Variants in CPED1 observed in about 807,000 individuals in gnomAD.
The protein encoded by CPED1 is cadherin-like and PC-esterase domain-containing protein 1.
Under a neutral mutation model 128.2 loss-of-function variants are expected in CPED1, and 114 were observed. That is an observed-to-expected ratio of 0.89 (90% confidence interval 0.76 to 1.04). CPED1 has a LOEUF of 1.04. Ranked by LOEUF, CPED1 falls within the 50% of genes least tolerant of loss-of-function variation. The pLI, the probability that CPED1 is intolerant of heterozygous loss-of-function variation, is 0.00. For synonymous variants in CPED1, 462 were observed against 426.7 expected (o/e 1.08, Z -1.02); for missense variants, 1,211 against 1,207.1 (o/e 1.00, Z -0.05).
At position 121,251,236 on chromosome 7, in the gene CPED1, G is replaced by T. The variant is rs1798665036; in HGVS notation, c.2310+6898G>T. Among the ~76,000 whole-genome samples, 3 of 152,270 alleles carry T rather than the reference G, an allele frequency of 2.0e-5. No individual in the cohort carries two copies. The South Asian group carries it at 6.2e-4, about 32-fold the overall frequency. On this transcript the variant is annotated intron_variant, in intron 18 of 22. Transcript: ENST00000310396. ...AAACCACATGATTATCTCAATAGAT[G>T]CAGAAAAGGCCTTTGACAAAATTCA...
chr7:121,136,119 C>T (rs1026959356), intron 14 of CPED1, 29 bp downstream of exon 14: 1 of 1,528,988 alleles, frequency 6.5e-7, no homozygotes, highest in South Asian at 1.3e-5. Context: ...GTTGTAGCAG[C>T]ATAATAAACA....
Position 121,095,897 on chromosome 7 carries a change from C to T in CPED1, c.617-1802C>T, listed in dbSNP as rs1034870557. Among the ~76,000 whole-genome samples the T allele has an allele frequency of 2.0e-5, 3 of 152,030 alleles. No homozygotes were observed. In the East Asian group the frequency reaches 5.8e-4, roughly 29 times the overall value. On this transcript the variant is annotated intron_variant, in intron 5 of 22. Transcript: ENST00000310396. ...TTTGGCAGCAAGGTAAGAGGGAAAT[C>T]AGAGTAAATTATACTTTTCTCATAC... is the stretch of plus-strand genomic sequence containing the variant.
intron 16 of CPED1, among the ~76,000 whole-genome samples, chr7:121,220,173 T>C (rs1437324307): frequency 1.3e-5 from 2 of 152,078 alleles, no homozygotes; most frequent in Non-Finnish European, 2.9e-5. Flanking sequence ...TTGAAGAAGC[T>C]TAATTTGTTG....
intron 2 of CPED1, among the ~76,000 whole-genome samples, chr7:120,994,625 CTGTGTGTGTGTG>C (rs35288728): frequency 6.9e-6 from 1 of 144,570 alleles, no homozygotes; most frequent in South Asian, 2.3e-4. Context: ...ATTTGTTATA[CTGTGTGTGTGTG>C]TGTGTGTGTG....
intron 22 of CPED1, among the ~76,000 whole-genome samples, chr7:121,286,023 A>T (rs991992741): frequency 1.3e-5 from 2 of 152,216 alleles, no homozygotes; most frequent in African/African-American, 4.8e-5. Flanking sequence ...ATTGACTCAC[A>T]GTTCAGCATG....
intron 18 of CPED1, among the ~76,000 whole-genome samples, chr7:121,244,760 G>A (rs1275463199): frequency 6.6e-6 from 1 of 152,200 alleles, no homozygotes; most frequent in Non-Finnish European, 1.5e-5. Context: ...CTGCATGTGA[G>A]ACTCACTTCT....
intron 3 of CPED1, among the ~76,000 whole-genome samples, chr7:121,018,106 A>T (rs1792348197): frequency 6.6e-6 from 1 of 152,122 alleles, no homozygotes. Context: ...TGTAGTTTTT[A>T]CTATGAGAAC....
intron 16 of CPED1, among the ~76,000 whole-genome samples, chr7:121,160,403 A>C (rs1796386667): frequency 6.6e-6 from 1 of 152,172 alleles, no homozygotes. Context: ...GAGCGAGAAG[A>C]GGTGAACTTT....
chr7:121,043,330 C>T (rs554239436), intron 3 of CPED1, among the ~76,000 whole-genome samples: 193 of 152,118 alleles, frequency 1.3e-3, no homozygotes, highest in Non-Finnish European at 2.6e-3. Flanking sequence ...GGCTAAGTTG[C>T]AGCCCTTGCC....
At chr7:121,282,244 C>A (rs1792477853) in intron 22 of CPED1, among the ~76,000 whole-genome samples, 1 of 152,132 alleles carries the variant, frequency 6.6e-6, no homozygotes, top group African/African-American at 2.4e-5. Flanking sequence ...GTGTCAAGGC[C>A]TAAATCTTTC....
At chr7:121,068,465 T>C (rs1485185807) in intron 5 of CPED1, among the ~76,000 whole-genome samples, 6 of 151,968 alleles carry the variant, frequency 3.9e-5, no homozygotes, top group African/African-American at 1.5e-4. Flanking sequence ...TTCTGTTCCA[T>C]TGGTCTATAT....
At chr7:121,208,999 A>C (rs1399102313) in intron 16 of CPED1, among the ~76,000 whole-genome samples, 3 of 152,058 alleles carry the variant, frequency 2.0e-5, no homozygotes, top group Non-Finnish European at 4.4e-5. Flanking sequence ...GAAAAAGGAA[A>C]GCTTGCAGCT....
intron 16 of CPED1, among the ~76,000 whole-genome samples, chr7:121,176,561 A>T (rs1255547933): frequency 6.6e-6 from 1 of 152,022 alleles, no homozygotes; most frequent in Non-Finnish European, 1.5e-5. Flanking sequence ...GGATGAAAGG[A>T]TTGATTTATT....
chr7:121,024,127 T>C (rs1186824845), intron 3 of CPED1, among the ~76,000 whole-genome samples: 1 of 152,150 alleles, frequency 6.6e-6, no homozygotes, highest in Non-Finnish European at 1.5e-5. Context: ...TCAGTGCTTA[T>C]AGATTTACTG....
rs1354181117 is a variant in CPED1 at position 121,236,880 on chromosome 7, A to G, written c.2173+49A>G. ...TTCTCTAAAAAAAGAATAATTTGGT[A>G]TAGATAAGTGTATGCTTATTTAAAC... On this transcript the variant is annotated intron_variant, in intron 17 of 22. Transcript: ENST00000310396. 4 of 1,037,432 alleles carry G rather than the reference A, an allele frequency of 3.9e-6. No homozygotes were observed. The South Asian group carries it at 4.5e-5, about 12-fold the overall frequency. 64.3% of individuals were successfully genotyped at this position (1,037,432 alleles called of 1,614,324 possible). A position where few individuals can be genotyped will look rare whatever the true frequency, so the allele number is the denominator to read the frequency against.
At chr7:121,229,723 A>G (rs1192861113) in intron 16 of CPED1, among the ~76,000 whole-genome samples, 1 of 152,028 alleles carries the variant, frequency 6.6e-6, no homozygotes, top group Non-Finnish European at 1.5e-5. Flanking sequence ...AAATTCCCTA[A>G]CACAATATTT....
At chr7:121,166,886 A>T (rs1379416516) in intron 16 of CPED1, among the ~76,000 whole-genome samples, 1 of 152,154 alleles carries the variant, frequency 6.6e-6, no homozygotes, top group Non-Finnish European at 1.5e-5. Context: ...ATCATGATCT[A>T]CAAGTAGAGG....
At chr7:121,143,455 A>C (rs1378001862) in intron 16 of CPED1, among the ~76,000 whole-genome samples, 1 of 151,952 alleles carries the variant, frequency 6.6e-6, no homozygotes, top group Non-Finnish European at 1.5e-5. Flanking sequence ...TTGAGGAAAC[A>C]CTGGTCTACA....
chr7:121,158,076 A>G (rs2116424429), intron 16 of CPED1, among the ~76,000 whole-genome samples: 1 of 152,348 alleles, frequency 6.6e-6, no homozygotes, highest in South Asian at 2.1e-4. Context: ...CTTCAGTGAT[A>G]TCTCCAAGGA....
Sources: gnomAD v4.1 joint callset for allele counts (sites outside exome capture counted in the v4.1 genomes callset) on GRCh38, gnomAD v4.1.1 for gene constraint, MANE v1.5 for transcripts, NCBI Gene and HGNC (gene_info 2026-07-23, HGNC 2026-07-21) for gene names.